Variants in MCM9 observed in about 807,000 individuals in gnomAD.
The protein encoded by MCM9 is minichromosome maintenance 9 homologous recombination repair factor.
Under a neutral mutation model 72.8 loss-of-function variants are expected in MCM9, and 55 were observed. That is an observed-to-expected ratio of 0.76 (90% CI 0.61 to 0.95). The LOEUF (loss-of-function observed/expected upper bound fraction) is 0.95, where lower values mean the gene tolerates loss of function less well. Ranked by LOEUF, MCM9 falls within the 40% of genes least tolerant of loss-of-function variation. The pLI is 0.00. For synonymous variants in MCM9, 480 were observed against 503.4 expected, an observed-to-expected ratio of 0.95 and a Z score of 0.62; for missense variants, 1,279 against 1,377.0, an observed-to-expected ratio of 0.93 and a Z score of 1.13.
At chr6:118,931,863 G>T (rs1249055060) in intron 2 of MCM9, 125 bp from the exon 3 acceptor site, 2 of 697,664 alleles carry the variant, frequency 2.9e-6, no homozygotes. Flanking sequence ...AATAATATCT[G>T]AATTCAAATC....
chr6:118,849,196 G>A (rs951944574), intron 9 of MCM9, among the ~76,000 whole-genome samples: 3 of 151,800 alleles, frequency 2.0e-5, no homozygotes, highest in Admixed American at 1.3e-4. Context: ...TTGTGATCCT[G>A]ATATAGGCAA....
chr6:118,854,241 T>C (rs1298956259), intron 9 of MCM9, among the ~76,000 whole-genome samples: 1 of 152,250 alleles, frequency 6.6e-6, no homozygotes, highest in Non-Finnish European at 1.5e-5. Flanking sequence ...CTGACCATAC[T>C]TCTAGTACAA....
intron 9 of MCM9, among the ~76,000 whole-genome samples, chr6:118,832,133 T>C (rs1024684515): frequency 4.6e-5 from 7 of 152,184 alleles, no homozygotes; most frequent in African/African-American, 1.7e-4. Context: ...CAATTACAGC[T>C]CACTACAACC....
At chr6:118,916,047 G>T (rs747358309) in intron 6 of MCM9, among the ~76,000 whole-genome samples, 1 of 151,918 alleles carries the variant, frequency 6.6e-6, no homozygotes. Flanking sequence ...TTTTTATAAG[G>T]ATAGAATCCT....
chr6:118,933,142 T>A (rs1782574167), intron 1 of MCM9, among the ~76,000 whole-genome samples: 1 of 151,972 alleles, frequency 6.6e-6, no homozygotes, highest in Non-Finnish European at 1.5e-5. Flanking sequence ...GAGGTTAAAT[T>A]TAAATGAGGT....
chr6:118,882,235 T>G (rs1056599741), intron 8 of MCM9, among the ~76,000 whole-genome samples: 8 of 152,178 alleles, frequency 5.3e-5, no homozygotes, highest in Admixed American at 2.6e-4. Flanking sequence ...TTCCGCCCCC[T>G]GGCTGGAGCA....
chr6:118,901,943 G>A (rs1779820732), intron 8 of MCM9, among the ~76,000 whole-genome samples: 1 of 152,112 alleles, frequency 6.6e-6, no homozygotes. Flanking sequence ...TTAGACACAT[G>A]CCATCTCTAG....
chr6:118,853,649 T>C (rs1776367945), intron 9 of MCM9, among the ~76,000 whole-genome samples: 1 of 151,928 alleles, frequency 6.6e-6, no homozygotes, highest in African/African-American at 2.4e-5. Flanking sequence ...AAAATAAAAT[T>C]TAAAAAATAG....
intron 9 of MCM9, among the ~76,000 whole-genome samples, chr6:118,843,902 C>A (rs535339060): frequency 2.7e-5 from 4 of 148,640 alleles, no homozygotes; most frequent in Admixed American, 6.6e-5. Context: ...CAAAAGCAGA[C>A]ATATTCAAGA....
chr6:118,872,871 G>A (rs1384299622), intron 8 of MCM9, among the ~76,000 whole-genome samples: 1 of 151,506 alleles, frequency 6.6e-6, no homozygotes, highest in Non-Finnish European at 1.5e-5. Context: ...AGAAATCAGT[G>A]AAATTGAAAA....
intron 9 of MCM9, among the ~76,000 whole-genome samples, chr6:118,851,646 A>G (rs1198563767): frequency 1.3e-5 from 2 of 151,840 alleles, no homozygotes; most frequent in Admixed American, 1.3e-4. Context: ...ATGTGTTAAA[A>G]TGCTCAGAAA....
chr6:118,903,203 A>C (rs1417042317), intron 8 of MCM9, among the ~76,000 whole-genome samples: 1 of 152,198 alleles, frequency 6.6e-6, no homozygotes, highest in Non-Finnish European at 1.5e-5. Context: ...GTACTGAACT[A>C]TTATATATTT....
chr6:118,856,548 G>C lies in MCM9; in HGVS notation c.1151-3C>G. ...TTTTACAGCAGTTACCGTCAGACCTGAGGAAACAAGCAAGCCATATCAACT... is the reference window on the plus strand; with the variant it reads ...TTTTACAGCAGTTACCGTCAGACCTCAGGAAACAAGCAAGCCATATCAACT... On this transcript the variant is annotated splice_region_variant and splice_polypyrimidine_tract_variant and intron_variant, in intron 8 of 13. Coordinates refer to ENST00000619706, the MANE Select transcript of MCM9 (RefSeq NM_017696.3). The C allele has an allele frequency of 6.5e-6, 10 of 1,535,206 alleles. No individual in the cohort carries two copies. The highest frequency in any genetic ancestry group is 8.7e-6 in the Non-Finnish European group (10 of 1,146,764).
rs980247177 is a variant in MCM9, at chr6:118,911,297, A to G, written c.1150+353T>C. ...AAATGCCTTAAGCTCTATACCATCT[A>G]TCTACTTGGTAAAGTGAAATATCCC... On this transcript the variant is annotated intron_variant, in intron 8 of 13. Coordinates refer to ENST00000619706, the MANE Select transcript of MCM9 (RefSeq NM_017696.3). 4 of 1,012,508 alleles carry G rather than the reference A, an allele frequency of 4.0e-6. No homozygotes were observed. The African/African-American group carries it at 6.9e-5, about 17-fold the overall frequency. The allele number at this position is 1,012,508 out of a possible 1,614,324, so 62.7% of individuals were successfully genotyped here.
chr6:118,841,390 C>G (rs1386774225), intron 9 of MCM9, among the ~76,000 whole-genome samples: 4 of 152,172 alleles, frequency 2.6e-5, no homozygotes, highest in Non-Finnish European at 5.9e-5. Flanking sequence ...CTGGCCCCCC[C>G]TTAACCAGAG....
intron 8 of MCM9, among the ~76,000 whole-genome samples, chr6:118,888,492 AACAG>A (rs1035355846): frequency 6.6e-6 from 1 of 152,148 alleles, no homozygotes; most frequent in African/African-American, 2.4e-5. Flanking sequence ...TCTCAAAACA[AACAG>A]ACAAACAAAC....
Position 118,815,405 on chromosome 6 carries a change from G to C in MCM9, c.2851C>G (p.His951Asp), listed in dbSNP as rs1773347187. 1 of 1,550,420 alleles carries C rather than the reference G, an allele frequency of 6.4e-7. No individual in the cohort carries two copies. The highest frequency in any genetic ancestry group is 8.7e-7 in the Non-Finnish European group (1 of 1,146,790). ...CTACGCTGGGAAATTTTAGGACTAT[G>C]AACTGCTATTTTAGTTGCACCAGGT... ...VSPGATKIAV[H>D]SPKISQRRTR... The change falls in exon 14 of 14, where the codon CAT (histidine) becomes GAT (aspartate). Residue 951 changes from histidine (H) to aspartate (D), a missense_variant. Physicochemically the swap from His to Asp is moderately conservative, Grantham distance 81 (BLOSUM62 -1). Coordinates refer to ENST00000619706, the MANE Select transcript of MCM9 (RefSeq NM_017696.3).
intron 8 of MCM9, among the ~76,000 whole-genome samples, chr6:118,876,187 G>A (rs1474518991): frequency 6.6e-6 from 1 of 152,072 alleles, no homozygotes; most frequent in Non-Finnish European, 1.5e-5. Context: ...GTAAAGCTAT[G>A]GAGATATTTA....
chr6:118,889,665 T>G (rs1402860732), intron 8 of MCM9, among the ~76,000 whole-genome samples: 3 of 152,128 alleles, frequency 2.0e-5, no homozygotes, highest in Admixed American at 1.3e-4. Context: ...GACAAAAAAC[T>G]AGGTATAAGA....
Sources: gnomAD v4.1 joint callset for allele counts (sites outside exome capture counted in the v4.1 genomes callset) on GRCh38, gnomAD v4.1.1 for gene constraint, MANE v1.5 for transcripts, NCBI Gene and HGNC (gene_info 2026-07-23, HGNC 2026-07-21) for gene names.